Variants in CCDC171 observed in about 807,000 individuals in gnomAD.
CCDC171 encodes the protein coiled-coil domain-containing protein 171.
In CCDC171, 177 loss-of-function variants were observed where a neutral mutation model predicts 168.2. The observed-to-expected ratio is 1.05, with a 90% CI of 0.93 to 1.19. The LOEUF (loss-of-function observed/expected upper bound fraction) is 1.19. Ranked by LOEUF, CCDC171 falls within the 50% of genes most tolerant of loss-of-function variation. The pLI is 0.00. For missense variants in CCDC171, 1,991 were observed against 1,539.0 expected (o/e 1.29, Z -4.91); for synonymous variants, 687 against 540.8 (o/e 1.27, Z -3.75).
intron 6 of CCDC171, among the ~76,000 whole-genome samples, chr9:15,612,136 A>G (rs2043743812): frequency 6.6e-6 from 1 of 152,162 alleles, no homozygotes; most frequent in African/African-American, 2.4e-5. Context: ...TGAGAAATAC[A>G]TTTCTGTTTT....
chr9:15,746,694 C>T (rs528081556), intron 18 of CCDC171, among the ~76,000 whole-genome samples: 139 of 152,262 alleles, frequency 9.1e-4, no homozygotes, highest in African/African-American at 1.2e-3. Context: ...ATGCAGAAGA[C>T]GGGTGATTTC....
rs550793699 is a variant in CCDC171 at position 15,606,711 on chromosome 9, T to C, written c.675+12539T>C. Reference sequence around the variant, plus strand: ...GAGTATATATAAAGAATTATACTTTTTGGGCTACGTTTCTGGAAGATGTGG... The same window carrying C: ...GAGTATATATAAAGAATTATACTTTCTGGGCTACGTTTCTGGAAGATGTGG... On this transcript the variant is annotated intron_variant, in intron 6 of 25. Transcript: ENST00000380701. Among the ~76,000 whole-genome samples the C allele has an allele frequency of 1.7e-3, 264 of 152,328 alleles. 2 individuals carry two copies. The highest frequency in any genetic ancestry group is 6.1e-3 in the African/African-American group (252 of 41,580).
At chr9:16,100,965 T>C in the CCDC171 span, among the ~76,000 whole-genome samples, 2 of 151,780 alleles carry the variant, frequency 1.3e-5, no homozygotes, top group Non-Finnish European at 2.9e-5. Context: ...GGCTGACCTC[T>C]GTGGCCTGTT....
intron 6 of CCDC171, among the ~76,000 whole-genome samples, chr9:15,603,370 C>G (rs1316792254): frequency 6.6e-6 from 1 of 152,176 alleles, no homozygotes; most frequent in Admixed American, 6.5e-5. Flanking sequence ...TTAAGCTCAG[C>G]TTGCATAGCT....
At chr9:15,917,250 C>A (rs1365630882) in intron 24 of CCDC171, among the ~76,000 whole-genome samples, 1 of 151,834 alleles carries the variant, frequency 6.6e-6, no homozygotes, top group East Asian at 1.9e-4. Context: ...AGTGATACTC[C>A]TCATACCTTC....
chr9:16,078,217 T>C, the CCDC171 span, among the ~76,000 whole-genome samples: 1 of 152,046 alleles, frequency 6.6e-6, no homozygotes, highest in African/African-American at 2.4e-5. Flanking sequence ...TCTACCTCAA[T>C]AAAGCTGGGG....
chr9:15,807,110 C>A (rs1473245561), intron 21 of CCDC171, among the ~76,000 whole-genome samples: 1 of 152,146 alleles, frequency 6.6e-6, no homozygotes, highest in Non-Finnish European at 1.5e-5. Flanking sequence ...TTTGTCAGCT[C>A]CTGTATGGTT....
intron 7 of CCDC171, among the ~76,000 whole-genome samples, chr9:15,647,565 A>T (rs928233040): frequency 6.6e-6 from 1 of 152,232 alleles, no homozygotes; most frequent in Admixed American, 6.5e-5. Flanking sequence ...TAAAGGGGAT[A>T]TCACCACCGA....
In CCDC171 at chr9:15,781,234, G is replaced by A. The variant is rs117015022; in HGVS notation, c.3081+2084G>A. 2.0e-3 allele frequency among the ~76,000 whole-genome samples: 308 copies of A among 152,270 alleles called. 8 individuals are homozygous for A. In the East Asian group the frequency reaches 0.038, roughly 19 times the overall value. ...TGCATCTTTGATTAGTTTAGAAGTA[G>A]TCAGGACTTAATTTCTAGAATCTAG... On this transcript the variant is annotated intron_variant, in intron 20 of 25. Transcript: ENST00000380701.
At chr9:15,797,898 C>G (rs1303544069) in intron 21 of CCDC171, among the ~76,000 whole-genome samples, 2 of 152,040 alleles carry the variant, frequency 1.3e-5, no homozygotes, top group African/African-American at 4.8e-5. Flanking sequence ...ACATATGGTC[C>G]TTTTTCTATT....
intron 19 of CCDC171, 31 bp from the exon 20 acceptor site, chr9:15,778,937 T>C: frequency 7.1e-7 from 1 of 1,409,602 alleles, no homozygotes; most frequent in Non-Finnish European, 9.4e-7. Context: ...CTGTAGTTAC[T>C]GTTTATAAAA....
the CCDC171 span, among the ~76,000 whole-genome samples, chr9:16,068,224 A>C: frequency 3.5e-3 from 523 of 150,984 alleles, 4 homozygotes; most frequent in African/African-American, 0.012. Flanking sequence ...CAAAGAGAAT[A>C]AAATACCTAG....
At chr9:16,042,791 C>A (rs988059287), upstream of CCDC171, 1 of 151,988 alleles carries the variant, frequency 6.6e-6, no homozygotes, top group African/African-American at 2.4e-5. Flanking sequence ...GTTTTCATTT[C>A]TAATAGTTCA....
chr9:15,609,572 A>G (rs1000623311), intron 6 of CCDC171, among the ~76,000 whole-genome samples: 8 of 152,186 alleles, frequency 5.3e-5, no homozygotes, highest in African/African-American at 1.9e-4. Context: ...TGTACTAGTT[A>G]TTCAATTGTC....
intron 3 of CCDC171, among the ~76,000 whole-genome samples, chr9:15,985,793 GA>G (rs1317824208): frequency 6.6e-6 from 1 of 152,176 alleles, no homozygotes; most frequent in Admixed American, 6.5e-5. Context: ...TTAAAAGATA[GA>G]AAAAATGAAT....
At chr9:15,635,296 T>A (rs1030082651) in intron 7 of CCDC171, among the ~76,000 whole-genome samples, 3 of 152,196 alleles carry the variant, frequency 2.0e-5, no homozygotes, top group Non-Finnish European at 2.9e-5. Context: ...TCATTTTATG[T>A]GCTTATTAGC....
At chr9:15,592,448 A>C (rs2042069964) in intron 5 of CCDC171, among the ~76,000 whole-genome samples, 1 of 152,202 alleles carries the variant, frequency 6.6e-6, no homozygotes, top group Non-Finnish European at 1.5e-5. Flanking sequence ...ATGTGTCTTT[A>C]CTAAAATTAA....
Position 15,973,977 on chromosome 9 carries a change from C to T in CCDC171, c.*2141C>T, listed in dbSNP as rs1381218685. The T allele has an allele frequency of 6.6e-6, 1 of 152,040 alleles. No homozygotes were observed. The highest frequency in any genetic ancestry group is 1.5e-5 in the Non-Finnish European group (1 of 68,004). The allele number at this position is 152,040 out of a possible 1,614,324, so 9.4% of individuals were successfully genotyped here. On this transcript the variant is annotated 3_prime_UTR_variant, in exon 26 of 26. Coordinates refer to ENST00000380701, the MANE Select transcript of CCDC171 (RefSeq NM_173550.4). ...CCTTGGAAAGGCCTTGGTCTTCTTG[C>T]CTTGATTTTATAATCTGTTAATGGG...
chr9:15,945,992 TCTC>T (rs1413396521), intron 25 of CCDC171, among the ~76,000 whole-genome samples: 2 of 151,616 alleles, frequency 1.3e-5, no homozygotes. Flanking sequence ...TAGGTTTTCT[TCTC>T]TGGTTTTTAT....
Sources: gnomAD v4.1 joint callset for allele counts (sites outside exome capture counted in the v4.1 genomes callset) on GRCh38, gnomAD v4.1.1 for gene constraint, MANE v1.5 for transcripts, NCBI Gene and HGNC (gene_info 2026-07-23, HGNC 2026-07-21) for gene names.